The following CTNNA2 variants were observed in gnomAD, a reference collection of about 807,000 sequenced individuals.
CTNNA2 encodes the protein catenin alpha 2, also known as catenin alpha-2.
A neutral mutation model predicts 101.0 loss-of-function variants in CTNNA2; 42 were observed. The ratio of observed to expected loss-of-function variants is 0.42; its 90% CI spans 0.32 to 0.54. CTNNA2 has a LOEUF of 0.54. Ranked by LOEUF, CTNNA2 falls within the 20% of genes least tolerant of loss-of-function variation. The pLI is 0.14. For missense variants in CTNNA2, 871 were observed against 1,223.1 expected (o/e 0.71, Z 4.29); for synonymous variants, 450 against 456.4 (o/e 0.99, Z 0.18).
At chr2:80,233,986 A>G (rs1346735144) in intron 7 of CTNNA2, among the ~76,000 whole-genome samples, 1 of 152,096 alleles carries the variant, frequency 6.6e-6, no homozygotes, top group East Asian at 1.9e-4. Flanking sequence ...TACTTTGACT[A>G]AGTAGATTTT....
chr2:80,156,128 C>T (rs955180901), intron 7 of CTNNA2, among the ~76,000 whole-genome samples: 2 of 152,104 alleles, frequency 1.3e-5, no homozygotes, highest in Non-Finnish European at 2.9e-5. Context: ...GGCTGTAAAC[C>T]CAACCCCAAC....
At chr2:79,853,061 T>C (rs1680852056) in intron 3 of CTNNA2, among the ~76,000 whole-genome samples, 1 of 151,904 alleles carries the variant, frequency 6.6e-6, no homozygotes, top group South Asian at 2.1e-4. Flanking sequence ...AGAGACACAG[T>C]TTCACCATGT....
intron 1 of CTNNA2, among the ~76,000 whole-genome samples, chr2:79,638,907 T>G (rs1419640786): frequency 2.0e-5 from 3 of 152,240 alleles, no homozygotes; most frequent in African/African-American, 7.2e-5. Flanking sequence ...CATGATTACT[T>G]TGTCTCCTTG....
At chr2:80,354,913 G>A (rs1673635456) in intron 7 of CTNNA2, among the ~76,000 whole-genome samples, 1 of 152,100 alleles carries the variant, frequency 6.6e-6, no homozygotes, top group East Asian at 1.9e-4. Flanking sequence ...ATGGGAGGGT[G>A]GACAGAGAAG....
intron 1 of CTNNA2, among the ~76,000 whole-genome samples, chr2:79,530,501 T>A: frequency 6.6e-6 from 1 of 152,120 alleles, no homozygotes; most frequent in South Asian, 2.1e-4. Flanking sequence ...GGTTGATTTT[T>A]TTTTTCCTTA....
chr2:80,605,048 G>C (rs961320336), intron 16 of CTNNA2: 3 of 151,976 alleles, frequency 2.0e-5, no homozygotes, highest in Non-Finnish European at 4.4e-5. Context: ...AGAACCTTCA[G>C]ATTTCAGCTT....
At chr2:79,192,201 G>A (rs759046224) in intron 1 of CTNNA2, among the ~76,000 whole-genome samples, 6 of 152,094 alleles carry the variant, frequency 3.9e-5, no homozygotes, top group Non-Finnish European at 7.4e-5. Flanking sequence ...GCTAGAAAAC[G>A]TTGTTGCTAA....
intron 1 of CTNNA2, among the ~76,000 whole-genome samples, chr2:79,593,883 T>G (rs1223941225): frequency 1.7e-5 from 2 of 119,512 alleles, no homozygotes; most frequent in East Asian, 2.4e-4. Flanking sequence ...TCTTTTAGTT[T>G]TTTTTTTTTT....
At chr2:79,294,549 T>C (rs1212660608) in intron 2 of CTNNA2, among the ~76,000 whole-genome samples, 2 of 152,090 alleles carry the variant, frequency 1.3e-5, no homozygotes, top group Non-Finnish European at 1.5e-5. Context: ...CCCCAAACCA[T>C]CAACCTCCTA....
intron 3 of CTNNA2, among the ~76,000 whole-genome samples, chr2:79,344,423 A>G (rs1258274246): frequency 6.6e-6 from 1 of 152,172 alleles, no homozygotes; most frequent in African/African-American, 2.4e-5. Context: ...AATAACTTGA[A>G]AAGTCTCAGC....
intron 15 of CTNNA2, among the ~76,000 whole-genome samples, chr2:80,599,434 T>A (rs1237132381): frequency 1.3e-5 from 2 of 152,222 alleles, no homozygotes; most frequent in East Asian, 3.9e-4. Context: ...CTTTTAAAGA[T>A]ATGGTTATTA....
chr2:80,078,328 C>G (rs1698892937), intron 7 of CTNNA2, among the ~76,000 whole-genome samples: 1 of 152,026 alleles, frequency 6.6e-6, no homozygotes, highest in Admixed American at 6.6e-5. Context: ...GGGCATTTAA[C>G]TGGGAGGACC....
chr2:79,881,065 T>C (rs1683390083), intron 6 of CTNNA2, among the ~76,000 whole-genome samples: 1 of 152,204 alleles, frequency 6.6e-6, no homozygotes, highest in Admixed American at 6.5e-5. Context: ...CTTAATTTCA[T>C]TATTTACCCA....
intron 1 of CTNNA2, among the ~76,000 whole-genome samples, chr2:79,637,699 G>A (rs1680171068): frequency 6.6e-6 from 1 of 152,168 alleles, no homozygotes; most frequent in Non-Finnish European, 1.5e-5. Context: ...ATATTTCTGT[G>A]AAGTTTCTTA....
chr2:79,792,747 C>A (rs750989152), intron 3 of CTNNA2, among the ~76,000 whole-genome samples: 3 of 152,128 alleles, frequency 2.0e-5, no homozygotes, highest in Admixed American at 6.5e-5. Flanking sequence ...GCCCTCAGTT[C>A]CTAATCAGTA....
At chr2:79,228,112 A>T (rs535545689) in intron 2 of CTNNA2, among the ~76,000 whole-genome samples, 2 of 152,314 alleles carry the variant, frequency 1.3e-5, no homozygotes, top group South Asian at 4.1e-4. Context: ...ATTGTATTAC[A>T]CGGTTTATAA....
rs572078532 is a variant in CTNNA2, at chr2:80,139,800, C to A, written c.1056+230003C>A. Among the ~76,000 whole-genome samples the A allele has an allele frequency of 3.3e-5, 5 of 152,268 alleles. No homozygotes were observed. The South Asian group carries it at 8.3e-4, about 25-fold the overall frequency. ...TCTGGTCTTGTCATATCACATCAGA[C>A]CCATTTACAATGGCAAAACCCTAAG... is the stretch of plus-strand genomic sequence containing the variant. On this transcript the variant is annotated intron_variant, in intron 7 of 18. Coordinates refer to ENST00000402739, the MANE Select transcript of CTNNA2 (RefSeq NM_001282597.3).
At position 80,258,929 on chromosome 2, in the gene CTNNA2, TGATTAA is replaced by T. The variant is rs1329833571; in HGVS notation, c.1057-134280_1057-134275del. Among the ~76,000 whole-genome samples the T allele has an allele frequency of 3.3e-5, 5 of 152,278 alleles. No homozygotes were observed. In the East Asian group the frequency reaches 5.8e-4, roughly 18 times the overall value. On this transcript the variant is annotated intron_variant, in intron 7 of 18. Transcript: ENST00000402739. ...CCTCTCCTAAACGTTACTGACATTATGATTAAGTCTACTTCTACAGAGAAGGAGGCC... is the reference window on the plus strand; with the variant it reads ...CCTCTCCTAAACGTTACTGACATTATGTCTACTTCTACAGAGAAGGAGGCC...
chr2:80,002,053 T>C (rs1482220308), intron 7 of CTNNA2, among the ~76,000 whole-genome samples: 6 of 152,234 alleles, frequency 3.9e-5, no homozygotes, highest in Admixed American at 2.6e-4. Context: ...ACAATGTGTT[T>C]TTTAAGTGCT....
Sources: gnomAD v4.1 joint callset for allele counts (sites outside exome capture counted in the v4.1 genomes callset) on GRCh38, gnomAD v4.1.1 for gene constraint, MANE v1.5 for transcripts, NCBI Gene and HGNC (gene_info 2026-07-23, HGNC 2026-07-21) for gene names.